Variants in SLC39A11 observed in about 807,000 individuals in gnomAD.
The protein encoded by SLC39A11 is solute carrier family 39 member 11.
In SLC39A11, 33 loss-of-function variants were observed where a neutral mutation model predicts 36.1. The ratio of observed to expected loss-of-function variants is 0.91; its 90% CI spans 0.69 to 1.22. The LOEUF (loss-of-function observed/expected upper bound fraction) is 1.22. SLC39A11 is among the 50% of genes most tolerant of loss of function. The probability of loss-of-function intolerance (pLI) is 0.00; values close to 1 mark genes in which losing one functional copy is unlikely to be tolerated. For synonymous variants in SLC39A11, 166 were observed against 170.3 expected (o/e 0.97, Z 0.20); for missense variants, 432 against 430.3 (o/e 1.00, Z -0.03).
chr17:73,067,704 G>T (rs1024421427), intron 3 of SLC39A11, among the ~76,000 whole-genome samples: 4 of 151,962 alleles, frequency 2.6e-5, no homozygotes, highest in Admixed American at 6.6e-5. Context: ...ACATTTTTTT[G>T]AGTCCATTCA....
chr17:72,799,161 A>T (rs916449169), intron 6 of SLC39A11, among the ~76,000 whole-genome samples: 5 of 152,214 alleles, frequency 3.3e-5, no homozygotes, highest in Non-Finnish European at 5.9e-5. Flanking sequence ...AGAGGAACAT[A>T]AATTGTGAAG....
At chr17:72,931,739 TCAC>T (rs2084411131) in intron 5 of SLC39A11, among the ~76,000 whole-genome samples, 1 of 152,178 alleles carries the variant, frequency 6.6e-6, no homozygotes, top group Non-Finnish European at 1.5e-5. Flanking sequence ...TGACCACTGG[TCAC>T]CACAACTCTG....
intron 4 of SLC39A11, among the ~76,000 whole-genome samples, chr17:72,983,118 G>A (rs1307509050): frequency 6.6e-6 from 1 of 151,398 alleles, no homozygotes; most frequent in African/African-American, 2.4e-5. Context: ...TACCCAGGGT[G>A]TTTTTTGTTG....
rs749773590 is a variant in SLC39A11, at chr17:73,025,576, T to C, written c.306+5980A>G. Among the ~76,000 whole-genome samples, 65 of 152,110 alleles carry C rather than the reference T, an allele frequency of 4.3e-4. 1 individual carries two copies. The highest frequency in any genetic ancestry group is 1.2e-4 in the Non-Finnish European group (8 of 68,022). Reference sequence around the variant, plus strand: ...GGTATTAAAATATCATCAATAAAAATCATTTCAAATTTAAAAATAACACAA... The same window carrying C: ...GGTATTAAAATATCATCAATAAAAACCATTTCAAATTTAAAAATAACACAA... On this transcript the variant is annotated intron_variant, in intron 4 of 9. Coordinates refer to ENST00000255559, the MANE Select transcript of SLC39A11 (RefSeq NM_139177.4).
chr17:72,860,306 G>C (rs2079910699), intron 5 of SLC39A11, among the ~76,000 whole-genome samples: 1 of 152,178 alleles, frequency 6.6e-6, no homozygotes, highest in Non-Finnish European at 1.5e-5. Flanking sequence ...TCCCTCACCA[G>C]GAGTACCAGG....
chr17:72,793,909 C>T (rs1039017477), intron 6 of SLC39A11, among the ~76,000 whole-genome samples: 41 of 151,336 alleles, frequency 2.7e-4, no homozygotes, highest in Admixed American at 2.7e-3. Flanking sequence ...CACAGCAAGG[C>T]TGGGTTACAA....
At position 72,868,872 on chromosome 17, in the gene SLC39A11, T is replaced by C. The variant is rs568581171; in HGVS notation, c.431-19068A>G. Among the ~76,000 whole-genome samples, 76 of 152,220 alleles carry C rather than the reference T, an allele frequency of 5.0e-4. No homozygotes were observed. In the South Asian group the frequency reaches 0.015, roughly 30 times the overall value. On this transcript the variant is annotated intron_variant, in intron 5 of 9. Transcript: ENST00000255559. ...GGTAAAAATGTAGAAATGTTCGCTT[T>C]AGAGTTCCACGGATAGACAGAACTC...
At chr17:72,740,845 G>T (rs2074663799) in intron 6 of SLC39A11, among the ~76,000 whole-genome samples, 1 of 152,034 alleles carries the variant, frequency 6.6e-6, no homozygotes. Flanking sequence ...CGCAATCTTG[G>T]CTCACCGCAA....
At chr17:73,084,319 C>T (rs112082146) in intron 3 of SLC39A11, among the ~76,000 whole-genome samples, 4,906 of 151,666 alleles carry the variant, frequency 0.032, 121 homozygotes, top group Non-Finnish European at 0.05. Context: ...TGCCTGTAGT[C>T]CCAGCTACTT....
intron 5 of SLC39A11, among the ~76,000 whole-genome samples, chr17:72,943,129 A>G (rs1010005295): frequency 6.6e-6 from 1 of 152,220 alleles, no homozygotes; most frequent in Non-Finnish European, 1.5e-5. Flanking sequence ...TTGAGGTGGA[A>G]GAAGGGGATC....
In SLC39A11 at chr17:73,063,407, C is replaced by A. The variant is rs559070868; in HGVS notation, c.147+21401G>T. Reference sequence around the variant, plus strand: ...TTATAAACTCTAATATAATTAAATGCTGCAAGACTTTAACGAATTGTGTCA... The same window carrying A: ...TTATAAACTCTAATATAATTAAATGATGCAAGACTTTAACGAATTGTGTCA... On this transcript the variant is annotated intron_variant, in intron 3 of 9. Coordinates refer to ENST00000255559, the MANE Select transcript of SLC39A11 (RefSeq NM_139177.4). Among the ~76,000 whole-genome samples the A allele has an allele frequency of 1.4e-3, 210 of 152,206 alleles. 1 individual carries two copies. The highest frequency in any genetic ancestry group is 3.4e-3 in the Middle Eastern group (1 of 294).
At chr17:72,762,049 A>T (rs1017888096) in intron 6 of SLC39A11, among the ~76,000 whole-genome samples, 1 of 152,200 alleles carries the variant, frequency 6.6e-6, no homozygotes, top group African/African-American at 2.4e-5. Context: ...ACCTTCTGAT[A>T]AGGACCCAGG....
chr17:73,012,376 C>T (rs569495554), intron 4 of SLC39A11, among the ~76,000 whole-genome samples: 62 of 152,242 alleles, frequency 4.1e-4, no homozygotes, highest in Non-Finnish European at 8.1e-4. Flanking sequence ...GATCGTTATA[C>T]GTGACTATAT....
At chr17:72,815,089 G>A (rs1598847752) in intron 6 of SLC39A11, among the ~76,000 whole-genome samples, 1 of 152,310 alleles carries the variant, frequency 6.6e-6, no homozygotes, top group East Asian at 1.9e-4. Flanking sequence ...GTTATTGGTG[G>A]AAGGAAAGAA....
intron 7 of SLC39A11, among the ~76,000 whole-genome samples, chr17:72,651,674 C>T (rs2069859506): frequency 6.6e-6 from 1 of 152,146 alleles, no homozygotes; most frequent in Non-Finnish European, 1.5e-5. Context: ...TGAAGAGGGA[C>T]AAAGCAGCTT....
At chr17:72,752,150 T>G (rs1238659354) in intron 6 of SLC39A11, among the ~76,000 whole-genome samples, 1 of 152,214 alleles carries the variant, frequency 6.6e-6, no homozygotes, top group Non-Finnish European at 1.5e-5. Context: ...TTCTGAACCC[T>G]GACATAGAAA....
intron 7 of SLC39A11, among the ~76,000 whole-genome samples, chr17:72,696,724 C>T (rs1018780880): frequency 6.6e-6 from 1 of 152,190 alleles, no homozygotes; most frequent in South Asian, 2.1e-4. Flanking sequence ...GTTTTTAGCA[C>T]CTTTATGAAC....
chr17:72,919,460 G>A (rs6501581), intron 5 of SLC39A11, among the ~76,000 whole-genome samples: 85,711 of 151,570 alleles, frequency 0.57, 24,664 homozygotes, highest in East Asian at 0.78. Flanking sequence ...CTAGCATGTG[G>A]GGAGCTGAGA....
intron 5 of SLC39A11, among the ~76,000 whole-genome samples, chr17:72,947,323 A>T (rs1461279918): frequency 1.3e-5 from 2 of 151,926 alleles, no homozygotes; most frequent in African/African-American, 4.8e-5. Flanking sequence ...CGGGGGGAAA[A>T]AAAAAATCCA....
Sources: allele counts gnomAD v4.1 joint callset (sites outside exome capture counted in the v4.1 genomes callset), GRCh38; gene constraint gnomAD v4.1.1; transcripts MANE v1.5; gene names NCBI Gene and HGNC (gene_info 2026-07-23, HGNC 2026-07-21).